Variants in ZCCHC7 observed in about 807,000 individuals in gnomAD.
The protein encoded by ZCCHC7 is zinc finger CCHC-type containing 7, also known as zinc finger CCHC domain-containing protein 7.
ZCCHC7 carries 35 observed loss-of-function variants against 52.0 expected under a neutral mutation model. The observed-to-expected ratio is 0.67, with a 90% confidence interval of 0.51 to 0.89. ZCCHC7 has a LOEUF of 0.89. ZCCHC7 is among the 40% of genes least tolerant of loss of function. The pLI is 0.00. For synonymous variants in ZCCHC7, 217 were observed against 221.5 expected, an observed-to-expected ratio of 0.98 and a Z score of 0.18; for missense variants, 574 against 649.1, an observed-to-expected ratio of 0.88 and a Z score of 1.26.
intron 2 of ZCCHC7, among the ~76,000 whole-genome samples, chr9:37,237,736 A>G (rs1825716126): frequency 6.6e-6 from 1 of 152,214 alleles, no homozygotes; most frequent in Non-Finnish European, 1.5e-5. Flanking sequence ...TTAATATGCA[A>G]GAGTTATTAA....
chr9:37,126,382 A>T lies in ZCCHC7; in HGVS notation c.50A>T (p.Tyr17Phe), dbSNP rs1373067558. 4 of 1,614,110 alleles carry T rather than the reference A, an allele frequency of 2.5e-6. No individual in the cohort carries two copies. The South Asian group carries it at 3.3e-5, about 13-fold the overall frequency. Reference protein sequence around the residue: ...ETIEAYEDDLYRDESSSELSV... With the variant: ...ETIEAYEDDLFRDESSSELSV... Reference sequence around the variant, plus strand: ...ATAGAAGCATACGAAGATGATCTTTATCGAGATGAGTCATCTAGTGAACTG... The same window carrying T: ...ATAGAAGCATACGAAGATGATCTTTTTCGAGATGAGTCATCTAGTGAACTG... Residue 17 changes from tyrosine (Y) to phenylalanine (F), a missense_variant, in exon 2 of 9, where the codon TAT becomes TTT. Transcript: ENST00000336755.
At chr9:37,280,872 C>A (rs1210751156) in intron 2 of ZCCHC7, among the ~76,000 whole-genome samples, 4 of 151,682 alleles carry the variant, frequency 2.6e-5, no homozygotes, top group Non-Finnish European at 5.9e-5. Context: ...AGACTCAGGT[C>A]TTTTTTTATC....
At chr9:37,138,832 G>C (rs1843102125) in intron 2 of ZCCHC7, among the ~76,000 whole-genome samples, 1 of 150,070 alleles carries the variant, frequency 6.7e-6, no homozygotes. Flanking sequence ...TGTAGCTTTT[G>C]TTTATTATAA....
Position 37,245,585 on chromosome 9 carries a change from T to C in ZCCHC7, c.611-56603T>C, listed in dbSNP as rs1207920982. The stretch of plus-strand genomic sequence containing the variant: ...GTAGCCTAAGAGAGAGTCAGACACA[T>C]AAATGGATACTTACAATACAAAGTG... On this transcript the variant is annotated intron_variant, in intron 2 of 8. Coordinates refer to ENST00000336755, the MANE Select transcript of ZCCHC7 (RefSeq NM_032226.3). Among the ~76,000 whole-genome samples the C allele has an allele frequency of 1.3e-5, 2 of 151,950 alleles. 1 individual carries two copies. Among genetic ancestry groups the C allele is most frequent in the Admixed American group, 1.3e-4 (2 of 15,236 alleles).
chr9:37,298,128 T>C (rs1828869012), intron 2 of ZCCHC7, among the ~76,000 whole-genome samples: 1 of 152,236 alleles, frequency 6.6e-6, no homozygotes, highest in African/African-American at 2.4e-5. Context: ...GACTAAATGA[T>C]GTTTAAAGCA....
At chr9:37,132,865 A>G (rs1322339461) in intron 2 of ZCCHC7, among the ~76,000 whole-genome samples, 2 of 152,306 alleles carry the variant, frequency 1.3e-5, no homozygotes, top group South Asian at 2.1e-4. Context: ...CCAGCTGGAC[A>G]TGGTGGCTCA....
chr9:37,120,471 G>A (rs1842251138), upstream of ZCCHC7: 1 of 398,522 alleles, frequency 2.5e-6, no homozygotes, highest in Non-Finnish European at 4.4e-6. Context: ...GGCGGGGACG[G>A]AAAGGCGGTG....
At chr9:37,297,479 T>C (rs915912830) in intron 2 of ZCCHC7, among the ~76,000 whole-genome samples, 2 of 152,358 alleles carry the variant, frequency 1.3e-5, no homozygotes, top group Middle Eastern at 3.4e-3. Context: ...AAATTCACCA[T>C]TGATTTGTGG....
intron 6 of ZCCHC7, among the ~76,000 whole-genome samples, chr9:37,336,812 C>G (rs954343577): frequency 6.6e-6 from 1 of 152,104 alleles, no homozygotes; most frequent in Non-Finnish European, 1.5e-5. Flanking sequence ...GTCCCTTCCC[C>G]CTACATCCTG....
In ZCCHC7 at chr9:37,354,669, G is replaced by A. The variant is rs1272110689; in HGVS notation, c.1084-41G>A. The A allele has an allele frequency of 2.7e-6, 4 of 1,458,492 alleles. No individual in the cohort carries two copies. Among genetic ancestry groups the A allele is most frequent in the South Asian group, 1.2e-5 (1 of 85,558 alleles). 90.3% of individuals were successfully genotyped at this position (1,458,492 alleles called of 1,614,324 possible). On this transcript the variant is annotated intron_variant, in intron 7 of 8. Transcript: ENST00000336755. This position sits in a 1 kb window ranked among gnomAD's most constrained non-coding sequence, Gnocchi z 4.0. ...AATCTTGCAAAAAGGTTTTTGAACAGTGTGACCATGTGACATCATAATTTT... is the reference window on the plus strand; with the variant it reads ...AATCTTGCAAAAAGGTTTTTGAACAATGTGACCATGTGACATCATAATTTT...
In ZCCHC7 at chr9:37,314,983, G is replaced by A. The variant is rs543769992; in HGVS notation, c.951+9269G>A. Among the ~76,000 whole-genome samples, 77 of 152,088 alleles carry A rather than the reference G, an allele frequency of 5.1e-4. No individual in the cohort carries two copies. In the South Asian group the frequency reaches 9.8e-3, roughly 19 times the overall value. On this transcript the variant is annotated intron_variant, in intron 5 of 8. Coordinates refer to ENST00000336755, the MANE Select transcript of ZCCHC7 (RefSeq NM_032226.3). ...GGTATGATCTGGTCGAACCCAATAT[G>A]CAGTTATTCATCTTGAAAAAACAGC...
chr9:37,252,917 C>A (rs942672603), intron 2 of ZCCHC7, among the ~76,000 whole-genome samples: 2 of 151,948 alleles, frequency 1.3e-5, no homozygotes, highest in African/African-American at 4.8e-5. Flanking sequence ...CTTCTGAGAC[C>A]CCCACTTAAT....
intron 2 of ZCCHC7, among the ~76,000 whole-genome samples, chr9:37,171,273 T>C (rs1159657337): frequency 6.6e-6 from 1 of 152,160 alleles, no homozygotes; most frequent in African/African-American, 2.4e-5. Context: ...GTAAATTGTG[T>C]AGTGGAGAGA....
At chr9:37,170,267 T>C (rs1821658780) in intron 2 of ZCCHC7, among the ~76,000 whole-genome samples, 1 of 152,204 alleles carries the variant, frequency 6.6e-6, no homozygotes, top group African/African-American at 2.4e-5. Context: ...TTTGGTGCCA[T>C]AGACATATTG....
intron 2 of ZCCHC7, among the ~76,000 whole-genome samples, chr9:37,147,885 A>G (rs2132813520): frequency 6.6e-6 from 1 of 152,168 alleles, no homozygotes; most frequent in South Asian, 2.1e-4. Context: ...TTGGAGGTTG[A>G]TTGAAAGGGA....
chr9:37,287,853 G>C (rs1828329361), intron 2 of ZCCHC7, among the ~76,000 whole-genome samples: 1 of 150,726 alleles, frequency 6.6e-6, no homozygotes, highest in Non-Finnish European at 1.5e-5. Flanking sequence ...CAGCTTTTTT[G>C]CTCCATAAAA....
At chr9:37,184,682 G>C (rs1822554932) in intron 2 of ZCCHC7, among the ~76,000 whole-genome samples, 1 of 144,658 alleles carries the variant, frequency 6.9e-6, no homozygotes, top group South Asian at 2.2e-4. Flanking sequence ...ACCTCTGTCT[G>C]GTGATTTGTT....
At chr9:37,254,776 T>C (rs1826493986) in intron 2 of ZCCHC7, among the ~76,000 whole-genome samples, 1 of 151,582 alleles carries the variant, frequency 6.6e-6, no homozygotes, top group Middle Eastern at 3.4e-3. Flanking sequence ...ATATTTGTGT[T>C]ATATACTTAA....
At chr9:37,174,456 T>C (rs918983112) in intron 2 of ZCCHC7, among the ~76,000 whole-genome samples, 7 of 152,246 alleles carry the variant, frequency 4.6e-5, no homozygotes, top group African/African-American at 1.4e-4. Flanking sequence ...TTGTTGATTG[T>C]ACAGCTGTAT....
Sources: allele counts gnomAD v4.1 joint callset (sites outside exome capture counted in the v4.1 genomes callset), GRCh38; gene constraint gnomAD v4.1.1; non-coding constraint Gnocchi (gnomAD v3.1); transcripts MANE v1.5; gene names NCBI Gene and HGNC (gene_info 2026-07-23, HGNC 2026-07-21).